The following INPP5E variants were observed in gnomAD, a reference collection of about 807,000 sequenced individuals.
INPP5E encodes phosphatidylinositol polyphosphate 5-phosphatase type IV.
A neutral mutation model predicts 50.5 loss-of-function variants in INPP5E; 34 were observed. The ratio of observed to expected loss-of-function variants is 0.67; its 90% confidence interval spans 0.51 to 0.90. The LOEUF (loss-of-function observed/expected upper bound fraction) is 0.90. INPP5E is among the 40% of genes least tolerant of loss of function. The probability of loss-of-function intolerance (pLI) is 0.00; values close to 1 mark genes in which losing one functional copy is unlikely to be tolerated. For synonymous variants in INPP5E, 447 were observed against 406.0 expected (o/e 1.10, Z -1.21); for missense variants, 942 against 905.5 (o/e 1.04, Z -0.52).
intron 2 of INPP5E, 144 bp from the exon 3 acceptor site, chr9:136,434,278 G>C (rs141584583): frequency 4.6e-6 from 3 of 659,238 alleles, no homozygotes; most frequent in Non-Finnish European, 8.1e-6. Context: ...GAGCTGCCCG[G>C]TCTCCGAGGC....
chr9:136,433,301 C>G (rs370877972), intron 3 of INPP5E, 22 bp from the exon 4 acceptor site: 1 of 1,563,320 alleles, frequency 6.4e-7, no homozygotes, highest in African/African-American at 1.4e-5. Flanking sequence ...GAAGCACGGC[C>G]GGCTGGGGGA....
intron 2 of INPP5E, 127 bp downstream of exon 2, chr9:136,434,613 G>A (rs1835789537): frequency 7.7e-7 from 1 of 1,299,954 alleles, no homozygotes; most frequent in African/African-American, 1.5e-5. Flanking sequence ...GGTTAGCAGT[G>A]GGGTGCACCT....
Position 136,429,461 on chromosome 9 carries a change from C to T in INPP5E, c.*214G>A, listed in dbSNP as rs1014927607. ...ATGCTGTATGGACCTGCCATGGAGA[C>T]GGGGGTCCAAGCCCTGCCCACCCAC... On this transcript the variant is annotated 3_prime_UTR_variant, in exon 10 of 10. Coordinates refer to ENST00000371712, the MANE Select transcript of INPP5E (RefSeq NM_019892.6). 1.6e-5 allele frequency: 11 copies of T among 681,342 alleles called. No individual in the cohort carries two copies. The highest frequency in any genetic ancestry group is 8.1e-5 in the South Asian group (5 of 61,712). 42.2% of individuals were successfully genotyped at this position (681,342 alleles called of 1,614,324 possible).
In INPP5E at chr9:136,439,450, C is replaced by G. The variant is rs554931078; in HGVS notation, c.-31G>C. On this transcript the variant is annotated 5_prime_UTR_variant, in exon 1 of 10. Coordinates refer to ENST00000371712, the MANE Select transcript of INPP5E (RefSeq NM_019892.6). Reference sequence around the variant, plus strand: ...GTCTCTCCCGGGGCAGGCCTCGGCGCGAGGCCGCAGGCAGCGCGAGGGGTC... The same window carrying G: ...GTCTCTCCCGGGGCAGGCCTCGGCGGGAGGCCGCAGGCAGCGCGAGGGGTC... 8.5e-4 allele frequency: 1,203 copies of G among 1,419,586 alleles called. 9 individuals carry two copies. In the African/African-American group the frequency reaches 0.016, roughly 18 times the overall value. The allele number at this position is 1,419,586 out of a possible 1,614,324, so 87.9% of individuals were successfully genotyped here. A position where few individuals can be genotyped will look rare whatever the true frequency, so the allele number is the denominator to read the frequency against.
Position 136,434,136 on chromosome 9 carries a change from T to C in INPP5E, c.937-2A>G. 6.2e-7 allele frequency: 1 copy of C among 1,602,474 alleles called. No homozygotes were observed. Among genetic ancestry groups the C allele is most frequent in the Non-Finnish European group, 8.5e-7 (1 of 1,176,062 alleles). The stretch of plus-strand genomic sequence containing the variant: ...CTCGTCCAGGCTGGGCGGGAGCTCC[T>C]GGAAGGAGGGAGCATGTGGTGGGCC... On this transcript the variant is annotated splice_acceptor_variant, in intron 2 of 9. Coordinates refer to ENST00000371712, the MANE Select transcript of INPP5E (RefSeq NM_019892.6). LOFTEE classifies it high-confidence loss of function.
In INPP5E at chr9:136,434,096, G is replaced by C. The variant is rs143258290; in HGVS notation, c.975C>G (p.Ala325=). The change falls in exon 3 of 10, where the codon GCC becomes GCG. Residue 325 remains alanine (A), a synonymous_variant. Transcript: ENST00000371712. ...ACAGGTCCTGGGCATAGTCGGCCTC[G>C]GCTGGGAGCAGGAACTCGTCCAGGC... ...PPSLDEFLLP[A]EADYAQDLYV... 2.2e-5 allele frequency: 35 copies of C among 1,610,870 alleles called. No individual in the cohort carries two copies. In the African/African-American group the frequency reaches 3.6e-4, roughly 17 times the overall value.
chr9:136,438,135 T>G, intron 1 of INPP5E: 1 of 179,084 alleles, frequency 5.6e-6, no homozygotes, highest in Non-Finnish European at 1.2e-5. Flanking sequence ...TTTAGCTGGG[T>G]GTGGTGGCGG....
intron 3 of INPP5E, 90 bp downstream of exon 3, chr9:136,433,947 G>C (rs1835770209): frequency 9.5e-7 from 1 of 1,047,538 alleles, no homozygotes. Flanking sequence ...CTGCAGACCC[G>C]TGCCCAGCCA....
Position 136,429,464 on chromosome 9 carries a change from G to C in INPP5E, c.*211C>G. The C allele has an allele frequency of 1.4e-6, 1 of 692,334 alleles. No homozygotes were observed. The highest frequency in any genetic ancestry group is 2.1e-5 in the Admixed American group (1 of 48,620). The allele number at this position is 692,334 out of a possible 1,614,324, so 42.9% of individuals were successfully genotyped here. On this transcript the variant is annotated 3_prime_UTR_variant, in exon 10 of 10. Transcript: ENST00000371712. ...CTGTATGGACCTGCCATGGAGACGG[G>C]GGTCCAAGCCCTGCCCACCCACACC...
Position 136,429,302 on chromosome 9 carries a change from A to G in INPP5E, c.*373T>C. ...CGGGTGTGGAGGGAGAGGCTGGTGC[A>G]GAGCACGGGGGTGTTGGGGGGCTCT... is the stretch of plus-strand genomic sequence containing the variant. On this transcript the variant is annotated 3_prime_UTR_variant, in exon 10 of 10. Coordinates refer to ENST00000371712, the MANE Select transcript of INPP5E (RefSeq NM_019892.6). The G allele has an allele frequency of 5.4e-6, 2 of 371,590 alleles. No individual in the cohort carries two copies. The highest frequency in any genetic ancestry group is 2.3e-5 in the South Asian group (1 of 43,594). The allele number at this position is 371,590 out of a possible 1,614,324, so 23.0% of individuals were successfully genotyped here.
intron 3 of INPP5E, 49 bp downstream of exon 3, chr9:136,433,988 A>G (rs374149372): frequency 4.9e-6 from 7 of 1,438,286 alleles, no homozygotes; most frequent in Admixed American, 1.9e-5. Context: ...CAGCTGCTTC[A>G]GAGACGGCAG....
Position 136,439,316 on chromosome 9 carries a change from C to G in INPP5E, c.104G>C (p.Arg35Pro). 7.1e-7 allele frequency: 1 copy of G among 1,405,696 alleles called. No individual in the cohort carries two copies. Among genetic ancestry groups the G allele is most frequent in the South Asian group, 1.6e-5 (1 of 64,280 alleles). 87.1% of individuals were successfully genotyped at this position (1,405,696 alleles called of 1,614,324 possible). ...GQLPGAPPAQ[R>P]AGSPPDAPGS... The stretch of plus-strand genomic sequence containing the variant: ...CGGAGCATCGGGTGGGGACCCCGCG[C>G]GCTGGGCCGGCGGAGCGCCGGGAAG... The change falls in exon 1 of 10, where the codon CGC becomes CCC. Residue 35 changes from arginine to proline, a missense_variant. Physicochemically the swap from Arg to Pro is moderately radical, Grantham distance 103. Coordinates refer to ENST00000371712, the MANE Select transcript of INPP5E (RefSeq NM_019892.6).
chr9:136,437,414 A>G (rs1036664020), intron 1 of INPP5E: 1 of 152,248 alleles, frequency 6.6e-6, no homozygotes, highest in Non-Finnish European at 1.5e-5. Flanking sequence ...TGTCCTTATA[A>G]AAAGAGAGGG....
rs1835949641 is a variant in INPP5E, at chr9:136,439,655, C to A, written c.-236G>T. 1 of 347,010 alleles carries A rather than the reference C, an allele frequency of 2.9e-6. No homozygotes were observed. The highest frequency in any genetic ancestry group is 4.8e-5 in the Admixed American group (1 of 20,886). 21.5% of individuals were successfully genotyped at this position (347,010 alleles called of 1,614,324 possible). On this transcript the variant is annotated 5_prime_UTR_variant, in exon 1 of 10. In the 5' UTR this introduces an upstream ATG that the reference lacks. Coordinates refer to ENST00000371712, the MANE Select transcript of INPP5E (RefSeq NM_019892.6). ...TCCCAGGGCGGTCCGCAGGCAAGGC[C>A]TGGGGGAACAGGCGGCTGGGCGCCT...
Position 136,439,360 on chromosome 9 carries a change from C to A in INPP5E, c.60G>T (p.Gly20=). Residue 20 remains glycine (G), a synonymous_variant, in exon 1 of 10, where the codon GGG becomes GGT. Transcript: ENST00000371712. Reference sequence around the variant, plus strand: ...CGGGAAGCTGTCCTTGGAGCGTCCTCCCTTCCGGCGGCTGCGGGGCCGGCT... The same window carrying A: ...CGGGAAGCTGTCCTTGGAGCGTCCTACCTTCCGGCGGCTGCGGGGCCGGCT... ...PSEPAPQPPE[G]RTLQGQLPGA... is the part of the protein sequence containing the mutation. 6.9e-7 allele frequency: 1 copy of A among 1,447,118 alleles called. No homozygotes were observed. The highest frequency in any genetic ancestry group is 9.0e-7 in the Non-Finnish European group (1 of 1,107,504). 89.6% of individuals were successfully genotyped at this position (1,447,118 alleles called of 1,614,324 possible). A position where few individuals can be genotyped will look rare whatever the true frequency, so the allele number is the denominator to read the frequency against.
intron 2 of INPP5E, 94 bp downstream of exon 2, chr9:136,434,646 C>T (rs1024266953): frequency 1.3e-6 from 2 of 1,509,800 alleles, no homozygotes; most frequent in African/African-American, 2.8e-5. Context: ...CTCCTGGCCC[C>T]AGGATGAGGC....
chr9:136,434,791 T>A lies in INPP5E; in HGVS notation c.885A>T (p.Pro295=). 1 of 1,611,286 alleles carries A rather than the reference T, an allele frequency of 6.2e-7. No individual in the cohort carries two copies. Among genetic ancestry groups the A allele is most frequent in the South Asian group, 1.1e-5 (1 of 90,910 alleles). The change falls in exon 2 of 10, where the codon CCA becomes CCT. Residue 295 remains proline, a synonymous_variant. Coordinates refer to ENST00000371712, the MANE Select transcript of INPP5E (RefSeq NM_019892.6). ...LGADELARYF[P]DRNVALFVAT... ...CCACGAAGAGTGCCACGTTCCGGTC[T>A]GGGAAGTAGCGGGCCAGCTCATCCG...
intron 1 of INPP5E, among the ~76,000 whole-genome samples, chr9:136,435,208 G>A (rs934697674): frequency 2.6e-5 from 4 of 152,162 alleles, no homozygotes; most frequent in Non-Finnish European, 5.9e-5. Flanking sequence ...GGTGCTGTTC[G>A]GGGAGGGGCT....
chr9:136,431,055 T>C lies in INPP5E; in HGVS notation c.1612A>G (p.Ile538Val), dbSNP rs1187704522. 1.2e-6 allele frequency: 2 copies of C among 1,613,096 alleles called. No individual in the cohort carries two copies. Among genetic ancestry groups the C allele is most frequent in the African/African-American group, 1.3e-5 (1 of 74,714 alleles). The change falls in exon 8 of 10, where the codon ATC (isoleucine) becomes GTC (valine). Residue 538 changes from isoleucine (I) to valine (V), a missense_variant. Coordinates refer to ENST00000371712, the MANE Select transcript of INPP5E (RefSeq NM_019892.6). ...IHFLPSYKFD[I>V]GKDTYDSTSK... ...GTGCTGTCGTACGTGTCCTTCCCGA[T>C]GTCAAACTTGTATGATGGGAGGAAG...
Sources: allele counts gnomAD v4.1 joint callset (sites outside exome capture counted in the v4.1 genomes callset), GRCh38; gene constraint gnomAD v4.1.1; transcripts MANE v1.5; gene names NCBI Gene and HGNC (gene_info 2026-07-23, HGNC 2026-07-21).